Variants in PIEZO2 observed in about 807,000 individuals in gnomAD.
PIEZO2 encodes the protein piezo-type mechanosensitive ion channel component 2.
A neutral mutation model predicts 337.3 loss-of-function variants in PIEZO2; 172 were observed. The ratio of observed to expected loss-of-function variants is 0.51; its 90% CI spans 0.45 to 0.58. PIEZO2 has a LOEUF of 0.58. Ranked by LOEUF, PIEZO2 falls within the 20% of genes least tolerant of loss-of-function variation. The pLI is 0.00. For missense variants in PIEZO2, 3,028 were observed against 3,391.3 expected (o/e 0.89, Z 2.66); for synonymous variants, 1,251 against 1,228.5 (o/e 1.02, Z -0.38).
intron 33 of PIEZO2, chr18:10,738,228 G>C (rs2037085108): frequency 6.6e-6 from 1 of 152,220 alleles, no homozygotes; most frequent in South Asian, 2.1e-4. Flanking sequence ...CGAGAGATTT[G>C]CAGGAAAGTG....
intron 3 of PIEZO2, among the ~76,000 whole-genome samples, chr18:10,963,382 C>T (rs2033867773): frequency 1.3e-5 from 2 of 152,090 alleles, no homozygotes; most frequent in Non-Finnish European, 2.9e-5. Flanking sequence ...GGACTAAAAG[C>T]AATGTTTCTG....
chr18:10,809,992 A>T (rs2040137658), intron 7 of PIEZO2, among the ~76,000 whole-genome samples: 1 of 152,222 alleles, frequency 6.6e-6, no homozygotes, highest in Non-Finnish European at 1.5e-5. Context: ...CTTATTTGGA[A>T]ATAAAAAGGT....
intron 29 of PIEZO2, 145 bp downstream of exon 29, chr18:10,749,946 G>A (rs2143741483): frequency 3.2e-6 from 2 of 615,398 alleles, no homozygotes; most frequent in East Asian, 5.6e-5. Context: ...GATTCACAAT[G>A]TACTACAGTT....
Position 10,982,479 on chromosome 18 carries a change from G to A in PIEZO2, c.161-2819C>T, listed in dbSNP as rs1486636531. On this transcript the variant is annotated intron_variant, in intron 2 of 55. Transcript: ENST00000674853. The surrounding 1 kb of genome is among the most constrained non-coding windows in gnomAD (Gnocchi z 4.1). Reference sequence around the variant, plus strand: ...AAAATGTCAATTTCCCCAAAATTTAGTCTAAAAATTCAGTACAGTTTAAAA... The same window carrying A: ...AAAATGTCAATTTCCCCAAAATTTAATCTAAAAATTCAGTACAGTTTAAAA... Among the ~76,000 whole-genome samples, 1 of 152,106 alleles carries A rather than the reference G, an allele frequency of 6.6e-6. No individual in the cohort carries two copies. Among genetic ancestry groups the A allele is most frequent in the Non-Finnish European group, 1.5e-5 (1 of 68,010 alleles).
intron 3 of PIEZO2, among the ~76,000 whole-genome samples, chr18:10,938,819 G>A (rs1247888071): frequency 2.6e-5 from 4 of 152,196 alleles, no homozygotes; most frequent in Non-Finnish European, 4.4e-5. Context: ...GGGCACAGTG[G>A]CTCATGCCTG....
At chr18:10,964,206 C>T (rs2033906827) in intron 3 of PIEZO2, among the ~76,000 whole-genome samples, 1 of 152,176 alleles carries the variant, frequency 6.6e-6, no homozygotes, top group African/African-American at 2.4e-5. Flanking sequence ...TTAACCTCCA[C>T]ATTAATTAAA....
chr18:10,917,403 A>G (rs1045853270), intron 3 of PIEZO2, among the ~76,000 whole-genome samples: 7 of 152,152 alleles, frequency 4.6e-5, no homozygotes, highest in Non-Finnish European at 1.0e-4. Flanking sequence ...TTTCATGAAC[A>G]TCATCACTGG....
chr18:10,924,940 A>C (rs1397963337), intron 3 of PIEZO2, among the ~76,000 whole-genome samples: 3 of 152,232 alleles, frequency 2.0e-5, no homozygotes, highest in Non-Finnish European at 4.4e-5. Context: ...GATAGTTAAA[A>C]ATTTTATGAA....
chr18:11,091,227 T>C (rs1194652399), intron 1 of PIEZO2, among the ~76,000 whole-genome samples: 2 of 151,174 alleles, frequency 1.3e-5, no homozygotes, highest in Admixed American at 1.3e-4. Flanking sequence ...CTACTAAAAA[T>C]ACAAAAATTA....
At position 10,696,126 on chromosome 18, in the gene PIEZO2, C is replaced by T. The variant is rs1344703180; in HGVS notation, c.7138G>A (p.Val2380Met). The T allele has an allele frequency of 1.2e-6, 2 of 1,614,210 alleles. No individual in the cohort carries two copies. Among genetic ancestry groups the T allele is most frequent in the East Asian group, 2.2e-5 (1 of 44,870 alleles). ...AACATCCAGAAGTGAATTCCGAACACAAGAATGACCTGGAAGATGACCTTT... is the reference window on the plus strand; with the variant it reads ...AACATCCAGAAGTGAATTCCGAACATAAGAATGACCTGGAAGATGACCTTT... ...LGKVIFQVILVFGIHFWMFFI... is the reference protein window; with the variant it reads ...LGKVIFQVILMFGIHFWMFFI... The change falls in exon 47 of 56, where the codon GTG (valine) becomes ATG (methionine). Residue 2380 changes from valine to methionine, a missense_variant. Val to Met is a conservative substitution (Grantham distance 21). This residue lies in a region of PIEZO2 where 179 missense variants were observed against 281.8 expected (regional missense o/e 0.64). Coordinates refer to ENST00000674853, the MANE Select transcript of PIEZO2 (RefSeq NM_001378183.1).
chr18:10,795,755 T>A lies in PIEZO2; in HGVS notation c.1528-753A>T, dbSNP rs544603482. ...GGGGAAACCGTGCCTAGGTTCTGTG[T>A]CCCTTGAGTTAAAGAATATTTTTAT... On this transcript the variant is annotated intron_variant, in intron 12 of 55. Transcript: ENST00000674853. This position sits in a 1 kb window ranked among gnomAD's most constrained non-coding sequence, Gnocchi z 4.4. Among the ~76,000 whole-genome samples the A allele has an allele frequency of 6.6e-6, 1 of 152,258 alleles. No individual in the cohort carries two copies. The highest frequency in any genetic ancestry group is 2.1e-4 in the South Asian group (1 of 4,828).
chr18:10,761,507 A>AG (rs1598444311), intron 23 of PIEZO2, among the ~76,000 whole-genome samples: 1 of 152,212 alleles, frequency 6.6e-6, no homozygotes, highest in Non-Finnish European at 1.5e-5. Context: ...GAAGCTGCTT[A>AG]GGGGGAAGCT....
At chr18:10,910,238 T>C (rs933110644) in intron 4 of PIEZO2, among the ~76,000 whole-genome samples, 3 of 152,190 alleles carry the variant, frequency 2.0e-5, no homozygotes, top group African/African-American at 7.2e-5. Flanking sequence ...ATGCCACTGG[T>C]AGAAAGCTGT....
chr18:10,804,926 T>C (rs2039948717), intron 8 of PIEZO2, among the ~76,000 whole-genome samples: 1 of 152,202 alleles, frequency 6.6e-6, no homozygotes, highest in South Asian at 2.1e-4. Flanking sequence ...TGATGATAGT[T>C]TGAAGCCCAC....
Position 10,766,739 on chromosome 18 carries a change from AGTT to A in PIEZO2, c.2946+3406_2946+3408del, listed in dbSNP as rs2038374981. On this transcript the variant is annotated intron_variant, in intron 21 of 55. Transcript: ENST00000674853. The surrounding 1 kb of genome is among the most constrained non-coding windows in gnomAD (Gnocchi z 6.1). ...TCACTGTGGACACCTCTAGCACAGC[AGTT>A]ATTATCACTTTTAGTTTTATTTGGC... Among the ~76,000 whole-genome samples, 1 of 152,218 alleles carries A rather than the reference AGTT, an allele frequency of 6.6e-6. No individual in the cohort carries two copies. Among genetic ancestry groups the A allele is most frequent in the South Asian group, 2.1e-4 (1 of 4,828 alleles).
intron 18 of PIEZO2, among the ~76,000 whole-genome samples, chr18:10,779,750 G>C (rs1365961630): frequency 6.6e-6 from 1 of 152,154 alleles, no homozygotes; most frequent in Non-Finnish European, 1.5e-5. Context: ...AAGGCGCTGG[G>C]GTTAGGTGAC....
At chr18:11,090,905 CTCCGTCTAAAAAAAA>C (rs1334225119) in intron 1 of PIEZO2, among the ~76,000 whole-genome samples, 1 of 114,086 alleles carries the variant, frequency 8.8e-6, no homozygotes, top group Non-Finnish European at 1.7e-5. Context: ...CAGAGCGAGA[CTCCGTCTAAAAAAAA>C]AAAAAAAAAA....
rs376551561 is a variant in PIEZO2 at position 10,696,537 on chromosome 18, G to A, written c.6830C>T (p.Thr2277Met). ...TTTGATGGGCACATAGATCTCCAGC[G>A]TCCTGCAAAATGGAGACCCCCACCC... is the stretch of plus-strand genomic sequence containing the variant. The part of the protein sequence containing the change: ...IKAKAFTIKK[T>M]LEIYVPIKQF... Residue 2277 changes from threonine (T) to methionine (M), a missense_variant and splice_region_variant, in exon 46 of 56, where the codon ACG (threonine) becomes ATG (methionine). By Grantham distance (81) the Thr-to-Met change is moderately conservative (BLOSUM62 -1). Transcript: ENST00000674853. 22 of 1,613,046 alleles carry A rather than the reference G, an allele frequency of 1.4e-5. No individual in the cohort carries two copies. The highest frequency in any genetic ancestry group is 5.3e-5 in the African/African-American group (4 of 74,870).
At chr18:10,710,299 A>C (rs1056819993) in intron 39 of PIEZO2, among the ~76,000 whole-genome samples, 1 of 152,150 alleles carries the variant, frequency 6.6e-6, no homozygotes, top group African/African-American at 2.4e-5. Context: ...ACAGTTTAAA[A>C]GTGAATAGGA....
Sources: allele counts gnomAD v4.1 joint callset (sites outside exome capture counted in the v4.1 genomes callset), GRCh38; gene constraint gnomAD v4.1.1; regional missense constraint gnomAD v4.1.1; non-coding constraint Gnocchi (gnomAD v3.1); transcripts MANE v1.5; gene names NCBI Gene and HGNC (gene_info 2026-07-23, HGNC 2026-07-21).